Variants in ALDOB observed in about 807,000 individuals in gnomAD.
The protein encoded by ALDOB is aldolase, fructose-bisphosphate B.
ALDOB carries 39 observed loss-of-function variants against 41.0 expected under a neutral mutation model. That is an observed-to-expected ratio of 0.95 (90% CI 0.74 to 1.24). The LOEUF (loss-of-function observed/expected upper bound fraction) is 1.24, where lower values mean the gene tolerates loss of function less well. ALDOB is among the 50% of genes most tolerant of loss of function. The pLI is 0.00. For synonymous variants in ALDOB, 175 were observed against 168.8 expected, an observed-to-expected ratio of 1.04 and a Z score of -0.28; for missense variants, 530 against 457.3, an observed-to-expected ratio of 1.16 and a Z score of -1.45.
chr9:101,428,430 T>G (rs1831161268), intron 4 of ALDOB, 39 bp downstream of exon 4: 1 of 1,582,092 alleles, frequency 6.3e-7, no homozygotes, highest in South Asian at 1.1e-5. Flanking sequence ...ATTTCTAGCT[T>G]ACACTGGCAT....
At chr9:101,422,210 A>G (rs1402792061) in intron 8 of ALDOB, among the ~76,000 whole-genome samples, 1 of 152,226 alleles carries the variant, frequency 6.6e-6, no homozygotes, top group Non-Finnish European at 1.5e-5. Context: ...TCTCACTAGT[A>G]TAGTACACTA....
At position 101,426,562 on chromosome 9, in the gene ALDOB, G is replaced by C. The variant is rs1237879193; in HGVS notation, c.617C>G (p.Thr206Ser). Residue 206 changes from threonine to serine, a missense_variant, in exon 6 of 9, where the codon ACT (threonine) becomes AGT (serine). Thr to Ser is a moderately conservative substitution (Grantham distance 58). Coordinates refer to ENST00000647789, the MANE Select transcript of ALDOB (RefSeq NM_000035.4). ...DHDLEHCQYV[T>S]EKVLAAVYKA... ...TTCATATTTAAAACTTACCTTCTCA[G>C]TAACATACTGGCAGTGTTCCAGGTC... The C allele has an allele frequency of 3.7e-6, 6 of 1,608,250 alleles. No homozygotes were observed. The South Asian group carries it at 5.5e-5, about 15-fold the overall frequency.
chr9:101,429,845 G>A lies in ALDOB; in HGVS notation c.234C>T (p.Ile78=). ...TCTGGTAGAGGGTCTCGTGGAAAAGGATCACACCCCCGATGCTCTGGTTGA... is the reference window on the plus strand; with the variant it reads ...TCTGGTAGAGGGTCTCGTGGAAAAGAATCACACCCCCGATGCTCTGGTTGA... ...SSINQSIGGV[I]LFHETLYQKD... Residue 78 remains isoleucine (I), a synonymous_variant, in exon 3 of 9, where the codon ATC becomes ATT. Transcript: ENST00000647789. 1 of 1,614,102 alleles carries A rather than the reference G, an allele frequency of 6.2e-7. No homozygotes were observed.
chr9:101,425,612 A>C lies in ALDOB; in HGVS notation c.640T>G (p.Tyr214Asp). 1.9e-6 allele frequency: 3 copies of C among 1,614,114 alleles called. No homozygotes were observed. The highest frequency in any genetic ancestry group is 2.5e-6 in the Non-Finnish European group (3 of 1,180,020). Residue 214 changes from tyrosine (Y) to aspartate (D), a missense_variant, in exon 7 of 9, where the codon TAC becomes GAC. Physicochemically the swap from Tyr to Asp is radical, Grantham distance 160 (BLOSUM62 -3). Coordinates refer to ENST00000647789, the MANE Select transcript of ALDOB (RefSeq NM_000035.4). ...YVTEKVLAAV[Y>D]KALNDHHVYL... ...ACATGATGGTCATTCAGGGCCTTGTAGACAGCAGCCAGGACCTGAAGGACA... is the reference window on the plus strand; with the variant it reads ...ACATGATGGTCATTCAGGGCCTTGTCGACAGCAGCCAGGACCTGAAGGACA...
rs771092366 is a variant in ALDOB at position 101,425,529 on chromosome 9, G to A, written c.723C>T (p.Thr241=). 2 of 1,614,126 alleles carry A rather than the reference G, an allele frequency of 1.2e-6. No individual in the cohort carries two copies. Among genetic ancestry groups the A allele is most frequent in the Non-Finnish European group, 1.7e-6 (2 of 1,180,020 alleles). The change falls in exon 7 of 9, where the codon ACC becomes ACT. Residue 241 remains threonine, a synonymous_variant. Transcript: ENST00000647789. ...CTACTTGTTCTGGAGTATACTTCTT[G>A]GTGCAGGCATGTCCAGCAGTCACCA... ...PNMVTAGHAC[T]KKYTPEQVAM...
At chr9:101,423,170 A>G (rs1165833411) in intron 8 of ALDOB, among the ~76,000 whole-genome samples, 1 of 152,140 alleles carries the variant, frequency 6.6e-6, no homozygotes, top group African/African-American at 2.4e-5. Flanking sequence ...CTGTGAGATG[A>G]TGATTTAGCT....
chr9:101,431,465 T>C (rs767984130), intron 1 of ALDOB, among the ~76,000 whole-genome samples: 6 of 152,222 alleles, frequency 3.9e-5, no homozygotes, highest in Non-Finnish European at 7.3e-5. Context: ...CTTTTCCTTA[T>C]ATTCAACCCT....
At chr9:101,430,675 T>C in intron 2 of ALDOB, 101 bp downstream of exon 2, 1 of 940,588 alleles carries the variant, frequency 1.1e-6, no homozygotes, top group East Asian at 2.6e-5. Flanking sequence ...CCCGTGTACA[T>C]AAACCTTTAC....
At chr9:101,423,769 C>G (rs1157118275) in intron 8 of ALDOB, among the ~76,000 whole-genome samples, 3 of 152,148 alleles carry the variant, frequency 2.0e-5, no homozygotes, top group Admixed American at 6.6e-5. Context: ...TTACTGTCTC[C>G]TCTGGCTCCT....
At position 101,429,764 on chromosome 9, in the gene ALDOB, C is replaced by T. The variant is rs561489667; in HGVS notation, c.315G>A (p.Val105=). The change falls in exon 3 of 9, where the codon GTG becomes GTA. Residue 105 remains valine, a synonymous_variant. Transcript: ENST00000647789. ...RNILKEKGIV[V]GIKLDQGGAP... is the part of the protein sequence containing the mutation. ...GAATGGAGGTGTTCACCTTGATTCC[C>T]ACCACGATCCCCTTTTCCTTGAGGA... is the stretch of plus-strand genomic sequence containing the variant. The T allele has an allele frequency of 1.2e-6, 2 of 1,614,104 alleles. No individual in the cohort carries two copies. Among genetic ancestry groups the T allele is most frequent in the Admixed American group, 1.7e-5 (1 of 60,018 alleles).
Position 101,430,867 on chromosome 9 carries a change from G to C in ALDOB, c.21C>G (p.Ala7=). MAHRFP[A]LTQEQKKELS... ...GCTCCTTCTTCTGCTCCTGGGTGAGGGCTGGAAATCGGTGGGCCATGGTGA... is the reference window on the plus strand; with the variant it reads ...GCTCCTTCTTCTGCTCCTGGGTGAGCGCTGGAAATCGGTGGGCCATGGTGA... Residue 7 remains alanine (A), a synonymous_variant, in exon 2 of 9, where the codon GCC becomes GCG. Transcript: ENST00000647789. 2.5e-6 allele frequency: 4 copies of C among 1,614,082 alleles called. No homozygotes were observed. Among genetic ancestry groups the C allele is most frequent in the Non-Finnish European group, 2.5e-6 (3 of 1,179,968 alleles).
chr9:101,431,675 C>T (rs1156564651), intron 1 of ALDOB, among the ~76,000 whole-genome samples: 2 of 152,170 alleles, frequency 1.3e-5, no homozygotes, highest in African/African-American at 4.8e-5. Context: ...GAGATCGTTG[C>T]CCCTGTTCGG....
rs755134927 is a variant in ALDOB at position 101,427,499 on chromosome 9, C to T, written c.523G>A (p.Ala175Thr). The change falls in exon 5 of 9, where the codon GCC becomes ACC. Residue 175 changes from alanine (A) to threonine (T), a missense_variant. Ala to Thr is a moderately conservative substitution (Grantham distance 58). Transcript: ENST00000647789. ...QENANALARY[A>T]SICQQNGLVP... ...CAGAGCACCTGCTGACAGATGCTGG[C>T]GTAGCGAGCCAGGGCGTTGGCGTTT... is the stretch of plus-strand genomic sequence containing the variant. 4.3e-5 allele frequency: 70 copies of T among 1,614,060 alleles called. 1 individual carries two copies. The South Asian group carries it at 5.9e-4, about 14-fold the overall frequency.
intron 8 of ALDOB, among the ~76,000 whole-genome samples, chr9:101,423,945 C>G (rs912670423): frequency 6.6e-6 from 1 of 152,188 alleles, no homozygotes; most frequent in Non-Finnish European, 1.5e-5. Flanking sequence ...GTCCTCATTT[C>G]TCCTGGCAAC....
intron 2 of ALDOB, 145 bp from the exon 3 acceptor site, chr9:101,430,111 G>A: frequency 6.3e-6 from 5 of 797,456 alleles, no homozygotes; most frequent in Non-Finnish European, 1.1e-5. Context: ...TCAATTTTTT[G>A]TGTTCCAGGG....
intron 5 of ALDOB, 87 bp downstream of exon 5, chr9:101,427,395 C>T (rs1831146610): frequency 1.3e-6 from 2 of 1,507,430 alleles, no homozygotes; most frequent in Admixed American, 1.8e-5. Context: ...AAAGGAGGTC[C>T]ATTTGTAGTT....
intron 8 of ALDOB, 72 bp from the exon 9 acceptor site, chr9:101,421,976 A>G (rs982158694): frequency 5.5e-6 from 7 of 1,274,004 alleles, no homozygotes; most frequent in African/African-American, 2.9e-5. Context: ...TCTGCCTCTC[A>G]TGGGAAACCA....
intron 8 of ALDOB, among the ~76,000 whole-genome samples, chr9:101,422,345 A>G (rs1169520917): frequency 6.6e-6 from 1 of 152,226 alleles, no homozygotes; most frequent in East Asian, 1.9e-4. Flanking sequence ...CATTCCAGTT[A>G]AAGATAAATT....
Position 101,424,894 on chromosome 9 carries a change from GC to G in ALDOB, c.947del (p.Gly316AlafsTer14). On this transcript the variant is annotated frameshift_variant, in exon 8 of 9. Coordinates refer to ENST00000647789, the MANE Select transcript of ALDOB (RefSeq NM_000035.4). LOFTEE classifies it high-confidence loss of function. ...LQASALAAWG[G>X]KAANKEATQE... ...GGGTTGCCTCCTTGTTTGCAGCCTT[GC>G]CACCCCAGGCAGCCAGTGCACTGGC... is the stretch of plus-strand genomic sequence containing the variant. The G allele has an allele frequency of 6.2e-7, 1 of 1,613,996 alleles. No homozygotes were observed. Among genetic ancestry groups the G allele is most frequent in the Non-Finnish European group, 8.5e-7 (1 of 1,180,046 alleles).
Sources: gnomAD v4.1 joint callset for allele counts (sites outside exome capture counted in the v4.1 genomes callset) on GRCh38, gnomAD v4.1.1 for gene constraint, MANE v1.5 for transcripts, NCBI Gene and HGNC (gene_info 2026-07-23, HGNC 2026-07-21) for gene names.